Variants in CAMK1D observed in about 807,000 individuals in gnomAD.
The protein encoded by CAMK1D is calcium/calmodulin-dependent protein kinase type 1D.
Under a neutral mutation model 47.7 loss-of-function variants are expected in CAMK1D, and 9 were observed. The ratio of observed to expected loss-of-function variants is 0.19; its 90% CI spans 0.11 to 0.33. CAMK1D has a LOEUF of 0.33. CAMK1D is among the 10% of genes least tolerant of loss of function. The pLI, the probability that CAMK1D is intolerant of heterozygous loss-of-function variation, is 1.00. For missense variants in CAMK1D, 291 were observed against 488.7 expected (o/e 0.60, Z 3.81); for synonymous variants, 184 against 184.9 (o/e 0.99, Z 0.04).
chr10:12,760,826 A>G (rs1836467868), intron 3 of CAMK1D, 122 bp from the exon 4 acceptor site: 1 of 1,055,446 alleles, frequency 9.5e-7, no homozygotes, highest in South Asian at 1.5e-5. Context: ...TAGGGGGGCA[A>G]CATCTCAATC....
At chr10:12,489,819 G>C (rs1473657054) in intron 1 of CAMK1D, among the ~76,000 whole-genome samples, 3 of 152,202 alleles carry the variant, frequency 2.0e-5, no homozygotes, top group African/African-American at 7.2e-5. Context: ...TGGACTCTCT[G>C]GTGTCAGCGA....
At chr10:12,760,378 A>G (rs1435394063) in intron 3 of CAMK1D, among the ~76,000 whole-genome samples, 2 of 152,200 alleles carry the variant, frequency 1.3e-5, no homozygotes, top group Non-Finnish European at 2.9e-5. Flanking sequence ...GGTTCTGATC[A>G]TTCCGAAGGC....
intron 3 of CAMK1D, among the ~76,000 whole-genome samples, chr10:12,696,568 C>T (rs1324064258): frequency 6.6e-6 from 1 of 152,108 alleles, no homozygotes; most frequent in Non-Finnish European, 1.5e-5. Context: ...CAAAAATTAT[C>T]CCAAGACTCG....
At chr10:12,675,548 C>T (rs898658679) in intron 3 of CAMK1D, among the ~76,000 whole-genome samples, 1 of 152,178 alleles carries the variant, frequency 6.6e-6, no homozygotes, top group African/African-American at 2.4e-5. Context: ...CTGTGGCCAC[C>T]AGCTTCAGAA....
At chr10:12,380,216 A>G (rs776066718) in intron 1 of CAMK1D, among the ~76,000 whole-genome samples, 2 of 151,972 alleles carry the variant, frequency 1.3e-5, no homozygotes, top group Non-Finnish European at 2.9e-5. Flanking sequence ...CTCTATCTCA[A>G]AAAAAAAGAA....
intron 3 of CAMK1D, among the ~76,000 whole-genome samples, chr10:12,694,136 A>ATATTG (rs1833093928): frequency 4.1e-4 from 9 of 21,890 alleles, no homozygotes; most frequent in African/African-American, 1.4e-3. Context: ...TATATATTAT[A>ATATTG]TATAATATAA....
intron 2 of CAMK1D, among the ~76,000 whole-genome samples, chr10:12,586,453 G>GAAAAAAAAAAAAAAAAAAA (rs201388483): frequency 9.0e-6 from 1 of 111,722 alleles, no homozygotes; most frequent in Non-Finnish European, 1.8e-5. Context: ...CCTCTCAAAA[G>GAAAAAAAAAAAAAAAAAAA]AAAAAAAAAA....
At chr10:12,557,691 T>A (rs1836809607) in intron 2 of CAMK1D, among the ~76,000 whole-genome samples, 1 of 152,226 alleles carries the variant, frequency 6.6e-6, no homozygotes, top group Non-Finnish European at 1.5e-5. Flanking sequence ...GCTTATTTCC[T>A]GACTGTTTGT....
At chr10:12,615,429 AGTGT>A (rs1010403827) in intron 2 of CAMK1D, among the ~76,000 whole-genome samples, 1 of 151,826 alleles carries the variant, frequency 6.6e-6, no homozygotes, top group South Asian at 2.1e-4. Flanking sequence ...AGGGAGTCTG[AGTGT>A]GTGAGTGTGT....
intron 2 of CAMK1D, among the ~76,000 whole-genome samples, chr10:12,640,859 T>C (rs1041242292): frequency 6.6e-6 from 1 of 152,240 alleles, no homozygotes; most frequent in Non-Finnish European, 1.5e-5. Context: ...TGGGAATCTC[T>C]GCTCTCAACT....
At chr10:12,522,857 T>TG (rs1177594601) in intron 1 of CAMK1D, among the ~76,000 whole-genome samples, 1 of 68,008 alleles carries the variant, frequency 1.5e-5, no homozygotes. Flanking sequence ...ACAGGGCGGC[T>TG]GGCCGGGCGG....
chr10:12,644,985 G>A (rs903033476), intron 2 of CAMK1D, among the ~76,000 whole-genome samples: 1 of 118,778 alleles, frequency 8.4e-6, no homozygotes, highest in Non-Finnish European at 1.7e-5. Context: ...CCTTCACAGT[G>A]GTTTGAATTT....
At chr10:12,735,168 G>GA (rs1835123068) in intron 3 of CAMK1D, among the ~76,000 whole-genome samples, 1 of 152,224 alleles carries the variant, frequency 6.6e-6, no homozygotes, top group Non-Finnish European at 1.5e-5. Flanking sequence ...CCGTTTTACA[G>GA]ATGTGAGTTT....
Position 12,634,866 on chromosome 10 carries a change from C to T in CAMK1D, c.225-31870C>T, listed in dbSNP as rs146928130. ...TGGCATTTTGAGGTCATGATGGTGG[C>T]CGGGATTCTGCCCATGTTCAGTGGG... On this transcript the variant is annotated intron_variant, in intron 2 of 10. Coordinates refer to ENST00000619168, the MANE Select transcript of CAMK1D (RefSeq NM_153498.4). Among the ~76,000 whole-genome samples, 371 of 152,168 alleles carry T rather than the reference C, an allele frequency of 2.4e-3. 2 individuals are homozygous for T. Among genetic ancestry groups the T allele is most frequent in the African/African-American group, 8.4e-3 (349 of 41,510 alleles).
rs55700646 is a variant in CAMK1D, at chr10:12,361,248, G to GTTTTTTTTT, written c.92+11346_92+11354dup. Among the ~76,000 whole-genome samples, 468 of 119,988 alleles carry GTTTTTTTTT rather than the reference G, an allele frequency of 3.9e-3. 5 individuals carry two copies. Among genetic ancestry groups the GTTTTTTTTT allele is most frequent in the South Asian group, 0.02 (69 of 3,528 alleles). 78.7% of individuals were successfully genotyped at this position (119,988 alleles called of 152,430 possible). ...TAATAACAAGACTTCCTATTTGACT[G>GTTTTTTTTT]TTTTTTTTTTTTTTTTGAGATGGAG... is the stretch of plus-strand genomic sequence containing the variant. On this transcript the variant is annotated intron_variant, in intron 1 of 10. Transcript: ENST00000619168.
chr10:12,543,340 C>T (rs562157879), intron 1 of CAMK1D, among the ~76,000 whole-genome samples: 109 of 152,178 alleles, frequency 7.2e-4, no homozygotes, highest in African/African-American at 2.2e-3. Flanking sequence ...TTAGCCACCA[C>T]GCCTGGCCAT....
intron 3 of CAMK1D, among the ~76,000 whole-genome samples, chr10:12,711,526 C>G (rs1833935863): frequency 6.6e-6 from 1 of 152,156 alleles, no homozygotes; most frequent in Non-Finnish European, 1.5e-5. Context: ...TTTTCTTTGT[C>G]AGAGTATGGA....
chr10:12,722,998 G>A (rs997886908), intron 3 of CAMK1D, among the ~76,000 whole-genome samples: 13 of 151,922 alleles, frequency 8.6e-5, no homozygotes, highest in African/African-American at 3.1e-4. Flanking sequence ...GAGTGTAGAT[G>A]GGAAAAGGCA....
chr10:12,827,320 CTTTCTCTCT>C (rs1206640772), intron 10 of CAMK1D, among the ~76,000 whole-genome samples: 7 of 88,100 alleles, frequency 7.9e-5, no homozygotes, highest in Admixed American at 1.3e-4. Context: ...TCTTTTCTTT[CTTTCTCTCT>C]CTTCTCTTCC....
Sources: gnomAD v4.1 joint callset for allele counts (sites outside exome capture counted in the v4.1 genomes callset) on GRCh38, gnomAD v4.1.1 for gene constraint, MANE v1.5 for transcripts, NCBI Gene and HGNC (gene_info 2026-07-23, HGNC 2026-07-21) for gene names.